DCC: variants seen among roughly 807,000 people sequenced by gnomAD.
The protein encoded by DCC is DCC netrin 1 receptor.
Under a neutral mutation model 172.5 loss-of-function variants are expected in DCC, and 58 were observed. The ratio of observed to expected loss-of-function variants is 0.34; its 90% CI spans 0.27 to 0.42. The LOEUF (loss-of-function observed/expected upper bound fraction) is 0.42, where lower values mean the gene tolerates loss of function less well. Among genes scored for constraint, DCC ranks in the 10% least tolerant of loss-of-function variants. DCC has a pLI of 1.00. For synonymous variants in DCC, 709 were observed against 644.5 expected, an observed-to-expected ratio of 1.10 and a Z score of -1.52; for missense variants, 1,740 against 1,791.0, an observed-to-expected ratio of 0.97 and a Z score of 0.51.
In DCC at chr18:52,509,763, T is replaced by A. The variant is rs138502182; in HGVS notation, c.91+168885T>A. 3.1e-3 allele frequency among the ~76,000 whole-genome samples: 472 copies of A among 152,320 alleles called. 5 individuals are homozygous for A. Among genetic ancestry groups the A allele is most frequent in the African/African-American group, 9.8e-3 (406 of 41,576 alleles). ...ACTTTGAAGGCAGCAAGATCTTAGA[T>A]GCTACACCCCCACGGATGAACCGAG... On this transcript the variant is annotated intron_variant, in intron 1 of 28. Coordinates refer to ENST00000442544, the MANE Select transcript of DCC (RefSeq NM_005215.4).
chr18:53,448,418 T>C (rs1050379032), intron 22 of DCC, among the ~76,000 whole-genome samples: 3 of 152,176 alleles, frequency 2.0e-5, no homozygotes, highest in Admixed American at 1.3e-4. Context: ...TCAGACCTTG[T>C]TGTGAGAATT....
intron 12 of DCC, among the ~76,000 whole-genome samples, chr18:53,300,990 T>TTTCTTTCTTTCTTTC (rs1491381202): frequency 2.7e-5 from 4 of 147,364 alleles, no homozygotes; most frequent in African/African-American, 1.0e-4. Flanking sequence ...TCTTTCTTTC[T>TTTCTTTCTTTCTTTC]TTTTTTTTCT....
intron 1 of DCC, among the ~76,000 whole-genome samples, chr18:52,501,046 A>G (rs527714882): frequency 1.1e-3 from 173 of 152,284 alleles, no homozygotes; most frequent in African/African-American, 4.0e-3. Context: ...AATGCCACAG[A>G]TTCCCTCAAA....
intron 1 of DCC, among the ~76,000 whole-genome samples, chr18:52,512,364 C>T (rs2031473966): frequency 6.6e-6 from 1 of 152,132 alleles, no homozygotes; most frequent in African/African-American, 2.4e-5. Flanking sequence ...CTTCCTCCTC[C>T]ACATAATCAC....
chr18:53,279,740 A>G (rs1021224656), intron 12 of DCC, among the ~76,000 whole-genome samples: 3 of 152,092 alleles, frequency 2.0e-5, no homozygotes, highest in Non-Finnish European at 4.4e-5. Context: ...TACACCATGG[A>G]ATACTACACA....
At chr18:53,391,968 T>A in intron 17 of DCC, 81 bp downstream of exon 17, 1 of 824,948 alleles carries the variant, frequency 1.2e-6, no homozygotes. Context: ...TCCTGGACTG[T>A]CATGAGTCGT....
At chr18:52,725,029 G>A (rs2036531492) in intron 1 of DCC, among the ~76,000 whole-genome samples, 1 of 152,100 alleles carries the variant, frequency 6.6e-6, no homozygotes, top group African/African-American at 2.4e-5. Context: ...CTTCACCAGG[G>A]AACCTACCCG....
At chr18:52,817,035 A>G (rs1344420457) in intron 2 of DCC, 2 of 152,140 alleles carry the variant, frequency 1.3e-5, no homozygotes, top group Non-Finnish European at 2.9e-5. Context: ...AGTATTCGCT[A>G]AAATTGGAAA....
chr18:52,870,112 G>A (rs559181321), intron 2 of DCC, among the ~76,000 whole-genome samples: 1 of 152,152 alleles, frequency 6.6e-6, no homozygotes, highest in Non-Finnish European at 1.5e-5. Context: ...GCAGGCTCTC[G>A]GGGGTGGGGC....
intron 2 of DCC, among the ~76,000 whole-genome samples, chr18:52,854,231 G>C (rs1380755869): frequency 1.3e-5 from 2 of 152,078 alleles, no homozygotes; most frequent in Non-Finnish European, 2.9e-5. Flanking sequence ...GCATCATGAA[G>C]GCAAAGTATA....
chr18:52,663,985 A>G (rs984266825), intron 1 of DCC, among the ~76,000 whole-genome samples: 1 of 152,202 alleles, frequency 6.6e-6, no homozygotes, highest in Admixed American at 6.5e-5. Context: ...ATCACAAAAT[A>G]AGAACATTAT....
At chr18:52,391,561 C>A (rs1465453941) in intron 1 of DCC, among the ~76,000 whole-genome samples, 1 of 152,102 alleles carries the variant, frequency 6.6e-6, no homozygotes, top group African/African-American at 2.4e-5. Flanking sequence ...CTATCTGGGT[C>A]TTTGTCCTGC....
At chr18:52,803,557 C>CT (rs1397197454) in intron 2 of DCC, among the ~76,000 whole-genome samples, 1 of 151,960 alleles carries the variant, frequency 6.6e-6, no homozygotes, top group East Asian at 1.9e-4. Context: ...TAGACTAGTA[C>CT]CTATATATTA....
chr18:52,392,743 A>G (rs1322326270), intron 1 of DCC, among the ~76,000 whole-genome samples: 2 of 152,206 alleles, frequency 1.3e-5, no homozygotes, highest in East Asian at 3.9e-4. Context: ...CTGTCTACTC[A>G]AAAAATGCAG....
At chr18:52,853,108 G>T (rs2039002508) in intron 2 of DCC, among the ~76,000 whole-genome samples, 1 of 152,000 alleles carries the variant, frequency 6.6e-6, no homozygotes, top group African/African-American at 2.4e-5. Flanking sequence ...CAAATGTTAG[G>T]GTGGGACAAC....
chr18:53,459,080 C>T (rs1218954582), intron 23 of DCC, 152 bp from the exon 24 acceptor site: 3 of 700,692 alleles, frequency 4.3e-6, no homozygotes, highest in East Asian at 2.7e-5. Flanking sequence ...GAAAGGCAGC[C>T]AAGACAAGTC....
chr18:53,188,810 A>G (rs2055324777), intron 9 of DCC, among the ~76,000 whole-genome samples: 1 of 152,098 alleles, frequency 6.6e-6, no homozygotes, highest in African/African-American at 2.4e-5. Flanking sequence ...GGCTTCTGGC[A>G]ATCCTTGGCA....
intron 7 of DCC, among the ~76,000 whole-genome samples, chr18:53,142,081 A>C (rs2043839537): frequency 6.6e-6 from 1 of 152,184 alleles, no homozygotes; most frequent in African/African-American, 2.4e-5. Context: ...TGCCACCTTT[A>C]ATTTTATTAG....
intron 1 of DCC, among the ~76,000 whole-genome samples, chr18:52,457,951 A>C (rs902409241): frequency 6.6e-6 from 1 of 152,124 alleles, no homozygotes; most frequent in Non-Finnish European, 1.5e-5. Flanking sequence ...AACAGAAAGA[A>C]CTCAGAGCAA....
Sources: allele counts gnomAD v4.1 joint callset (sites outside exome capture counted in the v4.1 genomes callset), GRCh38; gene constraint gnomAD v4.1.1; transcripts MANE v1.5; gene names NCBI Gene and HGNC (gene_info 2026-07-23, HGNC 2026-07-21).